Variants in LGSN observed in about 807,000 individuals in gnomAD.
LGSN encodes the protein lengsin.
Under a neutral mutation model 19.5 loss-of-function variants are expected in LGSN, and 21 were observed. The ratio of observed to expected loss-of-function variants is 1.07; its 90% CI spans 0.76 to 1.55. LGSN has a LOEUF of 1.55. LGSN is among the 40% of genes most tolerant of loss of function. The pLI is 0.00. For missense variants in LGSN, 673 were observed against 608.5 expected, an observed-to-expected ratio of 1.11 and a Z score of -1.12; for synonymous variants, 257 against 215.6, an observed-to-expected ratio of 1.19 and a Z score of -1.68.
chr6:63,560,635 C>G, the LGSN span, among the ~76,000 whole-genome samples: 1 of 151,996 alleles, frequency 6.6e-6, no homozygotes, highest in Non-Finnish European at 1.5e-5. Context: ...AACTCCTGAC[C>G]TCAGGTGATC....
the LGSN span, among the ~76,000 whole-genome samples, chr6:63,377,846 G>C: frequency 6.7e-6 from 1 of 150,360 alleles, no homozygotes; most frequent in Non-Finnish European, 1.5e-5. Context: ...CCCGGGAGGT[G>C]GAGGTCGCAG....
the LGSN span, among the ~76,000 whole-genome samples, chr6:63,434,621 A>AAAG: frequency 1.0e-3 from 153 of 150,672 alleles, no homozygotes; most frequent in African/African-American, 2.7e-3. Context: ...AAAAAAAAAA[A>AAAG]AAAGAAAGAA....
the LGSN span, among the ~76,000 whole-genome samples, chr6:63,361,465 A>G: frequency 6.6e-6 from 1 of 152,166 alleles, no homozygotes; most frequent in Non-Finnish European, 1.5e-5. Context: ...CATGCGCAGG[A>G]TATAATCTCC....
At chr6:63,474,327 G>A in the LGSN span, among the ~76,000 whole-genome samples, 1 of 152,226 alleles carries the variant, frequency 6.6e-6, no homozygotes, top group Non-Finnish European at 1.5e-5. Flanking sequence ...TGGGAAAACG[G>A]GACGGGCGCA....
chr6:63,319,065 G>A (rs1207515798), intron 1 of LGSN, among the ~76,000 whole-genome samples: 1 of 152,148 alleles, frequency 6.6e-6, no homozygotes, highest in East Asian at 1.9e-4. Flanking sequence ...TTCCCTTAGG[G>A]AAAGTGCATT....
At chr6:63,329,072 A>G in the LGSN span, among the ~76,000 whole-genome samples, 1 of 152,236 alleles carries the variant, frequency 6.6e-6, no homozygotes, top group South Asian at 2.1e-4. Flanking sequence ...TTGATTAGCT[A>G]GAAAGTTCAA....
the LGSN span, among the ~76,000 whole-genome samples, chr6:63,510,324 G>A: frequency 6.6e-6 from 1 of 151,976 alleles, no homozygotes; most frequent in Non-Finnish European, 1.5e-5. Flanking sequence ...GTAGACCCAA[G>A]CGATTTGCAC....
Position 63,280,712 on chromosome 6 carries a change from T to G in LGSN, c.839A>C (p.Asp280Ala). The change falls in exon 4 of 4, where the codon GAT becomes GCT. Residue 280 changes from aspartate to alanine, a missense_variant. By Grantham distance (126) the Asp-to-Ala change is moderately radical. Transcript: ENST00000370657. Reference protein sequence around the residue: ...FLPEFGISSADNAFTLRTGVK... With the variant: ...FLPEFGISSAANAFTLRTGVK... Reference sequence around the variant, plus strand: ...ACCTGTTCTGAGGGTAAATGCATTATCAGCTGAGCTAATGCCAAATTCAGG... The same window carrying G: ...ACCTGTTCTGAGGGTAAATGCATTAGCAGCTGAGCTAATGCCAAATTCAGG... 6.2e-7 allele frequency: 1 copy of G among 1,614,110 alleles called. No homozygotes were observed. Among genetic ancestry groups the G allele is most frequent in the Non-Finnish European group, 8.5e-7 (1 of 1,180,004 alleles).
chr6:63,545,986 A>G, the LGSN span, among the ~76,000 whole-genome samples: 2 of 152,262 alleles, frequency 1.3e-5, no homozygotes, highest in South Asian at 4.1e-4. Context: ...AATATTAAAA[A>G]TAGAACTATT....
the LGSN span, among the ~76,000 whole-genome samples, chr6:63,361,068 T>TG: frequency 7.2e-5 from 11 of 152,174 alleles, no homozygotes; most frequent in Non-Finnish European, 1.5e-4. Context: ...CCTCCCCTAC[T>TG]GGGGGGTGCC....
chr6:63,413,257 T>A, the LGSN span, among the ~76,000 whole-genome samples: 1 of 152,100 alleles, frequency 6.6e-6, no homozygotes, highest in Non-Finnish European at 1.5e-5. Context: ...CCATTGAAGC[T>A]TTACAAAATG....
chr6:63,490,638 GCAACTT>G, the LGSN span, among the ~76,000 whole-genome samples: 1 of 151,960 alleles, frequency 6.6e-6, no homozygotes, highest in Non-Finnish European at 1.5e-5. Context: ...GTGTAGTGGT[GCAACTT>G]CAGCTCACTG....
At chr6:63,291,749 C>T (rs895604583) in intron 2 of LGSN, among the ~76,000 whole-genome samples, 5 of 152,218 alleles carry the variant, frequency 3.3e-5, no homozygotes, top group Admixed American at 3.3e-4. Context: ...TATTTCCCTG[C>T]CTCTTTTCGG....
chr6:63,370,896 C>G, the LGSN span, among the ~76,000 whole-genome samples: 11 of 152,252 alleles, frequency 7.2e-5, no homozygotes, highest in East Asian at 1.9e-3. Flanking sequence ...GCTTTTTGAA[C>G]AAGAGGCCTG....
the LGSN span, among the ~76,000 whole-genome samples, chr6:63,430,711 G>A: frequency 1.8e-4 from 28 of 151,970 alleles, no homozygotes; most frequent in African/African-American, 5.3e-4. Flanking sequence ...ATTTATCATC[G>A]GAGTGAAATC....
At chr6:63,304,118 T>G (rs914815786) in intron 1 of LGSN, among the ~76,000 whole-genome samples, 1 of 152,222 alleles carries the variant, frequency 6.6e-6, no homozygotes, top group Non-Finnish European at 1.5e-5. Flanking sequence ...CAACCTTATC[T>G]CTTGATGGAT....
the LGSN span, among the ~76,000 whole-genome samples, chr6:63,469,797 A>G: frequency 6.6e-6 from 1 of 151,992 alleles, no homozygotes; most frequent in Non-Finnish European, 1.5e-5. Flanking sequence ...CACAATTTTG[A>G]CCTCCACTTC....
At chr6:63,516,928 A>G in the LGSN span, among the ~76,000 whole-genome samples, 7 of 152,186 alleles carry the variant, frequency 4.6e-5, no homozygotes, top group South Asian at 2.1e-4. Context: ...AGTCTCTGCC[A>G]CCGTATCATA....
the LGSN span, among the ~76,000 whole-genome samples, chr6:63,546,302 T>C: frequency 6.6e-6 from 1 of 152,344 alleles, no homozygotes; most frequent in African/African-American, 2.4e-5. Context: ...ACACATACTC[T>C]ATGATCTCAC....
Sources: allele counts gnomAD v4.1 joint callset (sites outside exome capture counted in the v4.1 genomes callset), GRCh38; gene constraint gnomAD v4.1.1; transcripts MANE v1.5; gene names NCBI Gene and HGNC (gene_info 2026-07-23, HGNC 2026-07-21).